The following CACNA1B variants were observed in gnomAD, a reference collection of about 807,000 sequenced individuals.
The protein encoded by CACNA1B is calcium voltage-gated channel subunit alpha1 B, also known as voltage-dependent N-type calcium channel subunit alpha-1B.
In CACNA1B, 70 loss-of-function variants were observed where a neutral mutation model predicts 247.2. That is an observed-to-expected ratio of 0.28 (90% CI 0.23 to 0.35). CACNA1B has a LOEUF of 0.35. Among genes scored for constraint, CACNA1B ranks in the 10% least tolerant of loss-of-function variants. The pLI, the probability that CACNA1B is intolerant of heterozygous loss-of-function variation, is 1.00. For synonymous variants in CACNA1B, 1,231 were observed against 1,294.4 expected (o/e 0.95, Z 1.05); for missense variants, 2,367 against 3,197.4 (o/e 0.74, Z 6.26).
Position 137,954,612 on chromosome 9 carries a change from G to A in CACNA1B, c.1071-1086G>A, listed in dbSNP as rs937559980. Among the ~76,000 whole-genome samples the A allele has an allele frequency of 6.6e-6, 1 of 152,206 alleles. No homozygotes were observed. The highest frequency in any genetic ancestry group is 2.4e-5 in the African/African-American group (1 of 41,450). ...TCTCAGGGCATGGCCACAGGGATTG[G>A]TCTGGGTGGGGAGGCCACAGTGGAC... On this transcript the variant is annotated intron_variant, in intron 7 of 46. Transcript: ENST00000371372. The surrounding 1 kb of genome is among the most constrained non-coding windows in gnomAD (Gnocchi z 4.1).
intron 31 of CACNA1B, among the ~76,000 whole-genome samples, chr9:138,064,267 G>A (rs1589106495): frequency 6.6e-6 from 1 of 152,174 alleles, no homozygotes; most frequent in Admixed American, 6.5e-5. Flanking sequence ...TCTGGATCCA[G>A]TGTGCAATTT....
At position 138,058,003 on chromosome 9, in the gene CACNA1B, G is replaced by C. The variant is rs966383706; in HGVS notation, c.4107-46G>C. On this transcript the variant is annotated intron_variant, in intron 27 of 46. Transcript: ENST00000371372. This position sits in a 1 kb window ranked among gnomAD's most constrained non-coding sequence, Gnocchi z 4.7. ...GTGCAGGTCTTGAGTTCTTAGGGCTGTCTCCTTTGGGGGTTCCCCTGACAC... is the reference window on the plus strand; with the variant it reads ...GTGCAGGTCTTGAGTTCTTAGGGCTCTCTCCTTTGGGGGTTCCCCTGACAC... 6.3e-7 allele frequency: 1 copy of C among 1,580,478 alleles called. No homozygotes were observed. The highest frequency in any genetic ancestry group is 8.7e-7 in the Non-Finnish European group (1 of 1,149,608).
intron 11 of CACNA1B, among the ~76,000 whole-genome samples, chr9:137,975,388 G>T (rs2133370234): frequency 6.6e-6 from 1 of 152,296 alleles, no homozygotes; most frequent in Middle Eastern, 3.4e-3. Context: ...CAGTGCCGTG[G>T]ACATTGTGGG....
Position 137,899,493 on chromosome 9 carries a change from G to A in CACNA1B, c.531-13687G>A, listed in dbSNP as rs191155718. Among the ~76,000 whole-genome samples, 32 of 152,334 alleles carry A rather than the reference G, an allele frequency of 2.1e-4. No homozygotes were observed. The highest frequency in any genetic ancestry group is 9.8e-4 in the Admixed American group (15 of 15,306). Reference sequence around the variant, plus strand: ...TCACCGCTGTCGTGTGTGTGCTTGGGGTTGGGGTTCCCCGCATGCCATGCC... The same window carrying A: ...TCACCGCTGTCGTGTGTGTGCTTGGAGTTGGGGTTCCCCGCATGCCATGCC... On this transcript the variant is annotated intron_variant, in intron 3 of 46. Coordinates refer to ENST00000371372, the MANE Select transcript of CACNA1B (RefSeq NM_000718.4). This position sits in a 1 kb window ranked among gnomAD's most constrained non-coding sequence, Gnocchi z 5.0.
intron 20 of CACNA1B, among the ~76,000 whole-genome samples, chr9:138,032,958 T>C (rs1959003520): frequency 6.6e-6 from 1 of 152,224 alleles, no homozygotes; most frequent in Non-Finnish European, 1.5e-5. Flanking sequence ...CTTTATGTCT[T>C]TAAATACTTC....
intron 39 of CACNA1B, among the ~76,000 whole-genome samples, chr9:138,108,365 A>G (rs1961508777): frequency 6.6e-6 from 1 of 151,758 alleles, no homozygotes; most frequent in Admixed American, 6.6e-5. Flanking sequence ...TATTAAATAA[A>G]TTAAGTTTAG....
At chr9:137,928,103 T>C (rs1957571701) in intron 6 of CACNA1B, among the ~76,000 whole-genome samples, 1 of 152,096 alleles carries the variant, frequency 6.6e-6, no homozygotes, top group Non-Finnish European at 1.5e-5. Flanking sequence ...TTGTCTTTTT[T>C]TGTTGTTGTT....
Position 137,878,204 on chromosome 9 carries a change from A to G in CACNA1B, c.271A>G (p.Ile91Val). ...DNVVRKYAKR[I>V]TEWPPFEYMI... ...CGTCGTCCGCAAATACGCGAAGCGC[A>G]TCACCGAGTGGCCATATCCTGCCGG... Residue 91 changes from isoleucine to valine, a missense_variant, in exon 1 of 47, where the codon ATC becomes GTC. This residue lies in a region of CACNA1B where 130 missense variants were observed against 338.7 expected (regional missense o/e 0.38). Transcript: ENST00000371372. 7.9e-7 allele frequency: 1 copy of G among 1,272,714 alleles called. No individual in the cohort carries two copies. The highest frequency in any genetic ancestry group is 1.0e-6 in the Non-Finnish European group (1 of 998,722). 78.8% of individuals were successfully genotyped at this position (1,272,714 alleles called of 1,614,324 possible). A position where few individuals can be genotyped will look rare whatever the true frequency, so the allele number is the denominator to read the frequency against.
chr9:137,973,744 G>C lies in CACNA1B; in HGVS notation c.1543+2152G>C, dbSNP rs1395913443. On this transcript the variant is annotated intron_variant, in intron 11 of 46. Coordinates refer to ENST00000371372, the MANE Select transcript of CACNA1B (RefSeq NM_000718.4). The surrounding 1 kb of genome is among the most constrained non-coding windows in gnomAD (Gnocchi z 4.1). Reference sequence around the variant, plus strand: ...TAGGATGCATGATACAAGAGTGTACGAATGAATGCCCTTTCTGGGCCTCAG... The same window carrying C: ...TAGGATGCATGATACAAGAGTGTACCAATGAATGCCCTTTCTGGGCCTCAG... Among the ~76,000 whole-genome samples, 1 of 152,198 alleles carries C rather than the reference G, an allele frequency of 6.6e-6. No homozygotes were observed. The highest frequency in any genetic ancestry group is 1.5e-5 in the Non-Finnish European group (1 of 68,032).
At chr9:138,087,579 G>A (rs1211867072) in intron 36 of CACNA1B, among the ~76,000 whole-genome samples, 1 of 150,774 alleles carries the variant, frequency 6.6e-6, no homozygotes, top group Non-Finnish European at 1.5e-5. Flanking sequence ...GCCGTGTGTG[G>A]TAGCACGCGC....
At chr9:137,985,696 A>T (rs1958350879) in intron 13 of CACNA1B, among the ~76,000 whole-genome samples, 1 of 152,180 alleles carries the variant, frequency 6.6e-6, no homozygotes, top group Admixed American at 6.5e-5. Context: ...CCTCCATTCC[A>T]GGGAGATGGG....
At chr9:137,916,030 ATTTT>A (rs571447142) in intron 5 of CACNA1B, among the ~76,000 whole-genome samples, 2 of 129,554 alleles carry the variant, frequency 1.5e-5, no homozygotes, top group Admixed American at 8.0e-5. Context: ...TTGTTATACA[ATTTT>A]TTTTTTTTTT....
At chr9:138,000,785 T>C (rs912205062) in intron 15 of CACNA1B, among the ~76,000 whole-genome samples, 4 of 152,200 alleles carry the variant, frequency 2.6e-5, no homozygotes, top group African/African-American at 7.2e-5. Flanking sequence ...GCAGGTACGC[T>C]AATGTCTCCC....
At position 137,971,172 on chromosome 9, in the gene CACNA1B, C is replaced by G. The variant is rs1031180236; in HGVS notation, c.1334-211C>G. Among the ~76,000 whole-genome samples the G allele has an allele frequency of 6.6e-6, 1 of 152,162 alleles. No homozygotes were observed. The highest frequency in any genetic ancestry group is 2.4e-5 in the African/African-American group (1 of 41,430). ...ACAGATCATCCACTTCAATCTGGCT[C>G]TCACATCTGGCACCCAGTAACCATG... On this transcript the variant is annotated intron_variant, in intron 10 of 46. Transcript: ENST00000371372. This position sits in a 1 kb window ranked among gnomAD's most constrained non-coding sequence, Gnocchi z 4.4.
intron 15 of CACNA1B, among the ~76,000 whole-genome samples, chr9:137,996,954 C>T (rs1589056180): frequency 6.6e-6 from 1 of 152,188 alleles, no homozygotes; most frequent in East Asian, 1.9e-4. Flanking sequence ...TTAATCAAAT[C>T]TAGATATTCT....
rs772906173 is a variant in CACNA1B at position 137,882,752 on chromosome 9, G to C, written c.399G>C (p.Thr133=). Residue 133 remains threonine, a synonymous_variant, in exon 3 of 47, where the codon ACG becomes ACC. Transcript: ENST00000371372. This position sits in a 1 kb window ranked among gnomAD's most constrained non-coding sequence, Gnocchi z 4.0. ...KTPMSERLDD[T]EPYFIGIFCF... is the part of the protein sequence containing the mutation. ...TTCTGCGCTTCTCCTAGGACGACAC[G>C]GAGCCCTATTTCATCGGGATCTTTT... The C allele has an allele frequency of 1.2e-6, 2 of 1,613,946 alleles. No homozygotes were observed. Among genetic ancestry groups the C allele is most frequent in the Non-Finnish European group, 1.7e-6 (2 of 1,179,842 alleles).
intron 3 of CACNA1B, among the ~76,000 whole-genome samples, chr9:137,904,352 C>CTTT (rs11351694): frequency 2.6e-3 from 213 of 80,428 alleles, no homozygotes; most frequent in Middle Eastern, 0.011. Context: ...CTCTCTCTCT[C>CTTT]TTTTTTTTTT....
In CACNA1B at chr9:138,057,383, A is replaced by T. The variant is rs1959549743; in HGVS notation, c.3969-349A>T. ...TCTGAGCACAGAAGTGTCCGATTTG[A>T]TGCGGCCTGATTTATCTGTATTTTT... On this transcript the variant is annotated intron_variant, in intron 26 of 46. Coordinates refer to ENST00000371372, the MANE Select transcript of CACNA1B (RefSeq NM_000718.4). The surrounding 1 kb of genome is among the most constrained non-coding windows in gnomAD (Gnocchi z 4.0). 1.3e-5 allele frequency among the ~76,000 whole-genome samples: 2 copies of T among 152,078 alleles called. No individual in the cohort carries two copies. The highest frequency in any genetic ancestry group is 2.1e-4 in the South Asian group (1 of 4,812).
chr9:138,097,471 C>A (rs62579470), intron 37 of CACNA1B, among the ~76,000 whole-genome samples: 239 of 152,326 alleles, frequency 1.6e-3, no homozygotes, highest in Middle Eastern at 3.4e-3. Context: ...ATCACTCGTT[C>A]CTCATTTACT....
Sources: gnomAD v4.1 joint callset for allele counts (sites outside exome capture counted in the v4.1 genomes callset) on GRCh38, gnomAD v4.1.1 for gene constraint, gnomAD v4.1.1 regional missense constraint, Gnocchi (gnomAD v3.1) non-coding constraint, MANE v1.5 for transcripts, NCBI Gene and HGNC (gene_info 2026-07-23, HGNC 2026-07-21) for gene names.